ERBB4: variants seen among roughly 807,000 people sequenced by gnomAD.
The protein encoded by ERBB4 is erb-b2 receptor tyrosine kinase 4, also known as receptor tyrosine-protein kinase erbB-4.
ERBB4 carries 42 observed loss-of-function variants against 158.0 expected under a neutral mutation model. The ratio of observed to expected loss-of-function variants is 0.27; its 90% CI spans 0.21 to 0.34. The LOEUF is 0.34. Among genes scored for constraint, ERBB4 ranks in the 10% least tolerant of loss-of-function variants. The pLI, the probability that ERBB4 is intolerant of heterozygous loss-of-function variation, is 1.00. For synonymous variants in ERBB4, 583 were observed against 558.7 expected (o/e 1.04, Z -0.61); for missense variants, 1,333 against 1,624.1 (o/e 0.82, Z 3.08).
At chr2:212,371,811 C>T (rs1029930678) in intron 1 of ERBB4, among the ~76,000 whole-genome samples, 1 of 152,022 alleles carries the variant, frequency 6.6e-6, no homozygotes, top group African/African-American at 2.4e-5. Flanking sequence ...CTGAGAGGCT[C>T]ATTCTCTCCT....
intron 1 of ERBB4, among the ~76,000 whole-genome samples, chr2:212,352,124 T>C (rs573294858): frequency 6.6e-6 from 1 of 151,780 alleles, no homozygotes; most frequent in South Asian, 2.1e-4. Context: ...AATGAGAACA[T>C]ATAGACAAAA....
At chr2:211,674,072 A>G (rs1297207498) in intron 13 of ERBB4, among the ~76,000 whole-genome samples, 2 of 152,124 alleles carry the variant, frequency 1.3e-5, no homozygotes, top group Non-Finnish European at 2.9e-5. Context: ...TGGCAAAATT[A>G]TTATATCAAT....
Position 212,322,234 on chromosome 2 carries a change from G to T in ERBB4, c.83-197331C>A, listed in dbSNP as rs76947683. On this transcript the variant is annotated intron_variant, in intron 1 of 27. Coordinates refer to ENST00000342788, the MANE Select transcript of ERBB4 (RefSeq NM_005235.3). ...GAAGACAGAATTGGCCTGGGTTCTA[G>T]ACATGTGACTTCGGGCAAATAACTT... Among the ~76,000 whole-genome samples the T allele has an allele frequency of 5.4e-3, 818 of 150,440 alleles. 13 individuals carry two copies. Among genetic ancestry groups the T allele is most frequent in the African/African-American group, 0.018 (728 of 41,326 alleles).
At chr2:211,921,570 C>T (rs966794560) in intron 3 of ERBB4, among the ~76,000 whole-genome samples, 1 of 152,054 alleles carries the variant, frequency 6.6e-6, no homozygotes, top group Non-Finnish European at 1.5e-5. Flanking sequence ...TTTCTATTCT[C>T]TTAGACAAAG....
At chr2:212,439,969 G>A (rs1416063992) in intron 1 of ERBB4, among the ~76,000 whole-genome samples, 4 of 152,078 alleles carry the variant, frequency 2.6e-5, no homozygotes, top group African/African-American at 4.8e-5. Flanking sequence ...TTCAACTATC[G>A]GAATTTGGTG....
At chr2:211,967,316 G>A (rs2081335041) in intron 2 of ERBB4, among the ~76,000 whole-genome samples, 1 of 151,966 alleles carries the variant, frequency 6.6e-6, no homozygotes, top group Non-Finnish European at 1.5e-5. Context: ...ATAGGGAACT[G>A]CAATTAGTAT....
intron 1 of ERBB4, among the ~76,000 whole-genome samples, chr2:212,223,375 T>C (rs915025868): frequency 2.0e-5 from 3 of 147,280 alleles, no homozygotes; most frequent in Non-Finnish European, 3.0e-5. Context: ...GCAAGATAGA[T>C]ATATACCTAT....
At chr2:211,931,270 T>A (rs759720064) in intron 3 of ERBB4, among the ~76,000 whole-genome samples, 1 of 152,168 alleles carries the variant, frequency 6.6e-6, no homozygotes, top group African/African-American at 2.4e-5. Flanking sequence ...AATGAATCTA[T>A]CTTTAATGAC....
At chr2:212,356,397 T>C (rs1439613081) in intron 1 of ERBB4, among the ~76,000 whole-genome samples, 1 of 152,030 alleles carries the variant, frequency 6.6e-6, no homozygotes. Flanking sequence ...TTGTTCACTT[T>C]AGTTTATAGA....
chr2:212,191,376 TA>T (rs1235339064), intron 1 of ERBB4, among the ~76,000 whole-genome samples: 2 of 151,066 alleles, frequency 1.3e-5, no homozygotes, highest in African/African-American at 2.4e-5. Context: ...ATGTTACTTT[TA>T]AAAAAATGTA....
intron 11 of ERBB4, 81 bp downstream of exon 11, chr2:211,704,023 G>T: frequency 2.4e-6 from 2 of 834,656 alleles, no homozygotes; most frequent in South Asian, 2.7e-5. Context: ...AAATCAATAA[G>T]AGTGATAGTT....
intron 3 of ERBB4, among the ~76,000 whole-genome samples, chr2:211,874,163 A>G (rs2078432164): frequency 6.6e-6 from 1 of 152,114 alleles, no homozygotes; most frequent in East Asian, 1.9e-4. Flanking sequence ...AACAAAAACA[A>G]AACAAAAAAA....
At chr2:211,412,950 CAAA>C (rs113603752) in intron 25 of ERBB4, among the ~76,000 whole-genome samples, 1 of 121,110 alleles carries the variant, frequency 8.3e-6, no homozygotes, top group Non-Finnish European at 1.7e-5. Context: ...GGGACTGTCT[CAAA>C]AAAAAAAAAA....
intron 3 of ERBB4, among the ~76,000 whole-genome samples, chr2:211,937,282 G>GT (rs768055591): frequency 3.7e-4 from 56 of 151,910 alleles, no homozygotes; most frequent in Non-Finnish European, 5.9e-4. Context: ...TTATAAAAGG[G>GT]TTTTTCGTGT....
At chr2:211,583,869 G>A (rs1174189969) in intron 19 of ERBB4, among the ~76,000 whole-genome samples, 2 of 150,872 alleles carry the variant, frequency 1.3e-5, no homozygotes, top group African/African-American at 4.9e-5. Flanking sequence ...CCGGAAATAA[G>A]AAATAAATTA....
At chr2:212,524,873 T>C (rs1416754352) in intron 1 of ERBB4, among the ~76,000 whole-genome samples, 5 of 152,046 alleles carry the variant, frequency 3.3e-5, no homozygotes, top group African/African-American at 1.2e-4. Context: ...ATTTACAGTA[T>C]TTAGTGACCG....
At chr2:212,537,630 A>AAC (rs1693166647) in intron 1 of ERBB4, among the ~76,000 whole-genome samples, 1 of 152,038 alleles carries the variant, frequency 6.6e-6, no homozygotes, top group African/African-American at 2.4e-5. Flanking sequence ...CCGGGCAGTA[A>AAC]ACAGACAAGT....
intron 20 of ERBB4, among the ~76,000 whole-genome samples, chr2:211,450,846 C>T (rs542233460): frequency 3.1e-4 from 47 of 152,208 alleles, no homozygotes; most frequent in Admixed American, 1.2e-3. Context: ...CTGTTACTTA[C>T]CTGTTGTCTG....
intron 15 of ERBB4, among the ~76,000 whole-genome samples, chr2:211,661,899 C>T (rs1013397932): frequency 1.3e-5 from 2 of 148,758 alleles, no homozygotes; most frequent in Non-Finnish European, 3.0e-5. Context: ...ATTAGCCGGG[C>T]GTAGTGGCGG....
Sources: gnomAD v4.1 joint callset for allele counts (sites outside exome capture counted in the v4.1 genomes callset) on GRCh38, gnomAD v4.1.1 for gene constraint, MANE v1.5 for transcripts, NCBI Gene and HGNC (gene_info 2026-07-23, HGNC 2026-07-21) for gene names.